The following CCNY variants were observed in gnomAD, a reference collection of about 807,000 sequenced individuals.
CCNY encodes cyclin Y, also known as cyclin-Y.
A neutral mutation model predicts 42.8 loss-of-function variants in CCNY; 19 were observed. The observed-to-expected ratio is 0.44, with a 90% CI of 0.31 to 0.65. CCNY has a LOEUF of 0.65. Among genes scored for constraint, CCNY ranks in the 30% least tolerant of loss-of-function variants. The pLI is 0.07. For synonymous variants in CCNY, 165 were observed against 162.7 expected, an observed-to-expected ratio of 1.01 and a Z score of -0.11; for missense variants, 370 against 437.3, an observed-to-expected ratio of 0.85 and a Z score of 1.37.
chr10:35,396,280 C>T (rs1837523674), intron 1 of CCNY, among the ~76,000 whole-genome samples: 2 of 152,300 alleles, frequency 1.3e-5, no homozygotes, highest in Admixed American at 1.3e-4. Flanking sequence ...AAAGCTTTCT[C>T]TCAACAGGTC....
At chr10:35,473,783 G>T (rs373591927) in intron 1 of CCNY, among the ~76,000 whole-genome samples, 82 of 152,134 alleles carry the variant, frequency 5.4e-4, no homozygotes, top group South Asian at 4.4e-3. Context: ...GTGTTCCTTG[G>T]GGGGAGGAGC....
Position 35,412,905 on chromosome 10 carries a change from C to CGG in CCNY, c.155-70499_155-70498insGG, listed in dbSNP as rs1457849880. 2.1e-3 allele frequency among the ~76,000 whole-genome samples: 285 copies of CGG among 139,014 alleles called. 2 individuals are homozygous for CGG. The highest frequency in any genetic ancestry group is 7.4e-3 in the African/African-American group (270 of 36,320). 91.2% of individuals were successfully genotyped at this position (139,014 alleles called of 152,430 possible). A position where few individuals can be genotyped will look rare whatever the true frequency, so the allele number is the denominator to read the frequency against. ...AAAAAAAAAGAATTTGCGCGGCGGG[C>CGG]AAGAGGATGTGGATCACGCTTTGGG... On this transcript the variant is annotated intron_variant, in intron 1 of 9. Transcript: ENST00000374704.
intron 1 of CCNY, among the ~76,000 whole-genome samples, chr10:35,365,476 T>TA (rs1044120771): frequency 6.7e-6 from 1 of 149,110 alleles, no homozygotes; most frequent in African/African-American, 2.6e-5. Context: ...TGTTGAATAT[T>TA]AAAAAATTGC....
chr10:35,273,101 A>G (rs1835193281), intron 3 of CCNY, among the ~76,000 whole-genome samples: 1 of 151,872 alleles, frequency 6.6e-6, no homozygotes, highest in Non-Finnish European at 1.5e-5. Context: ...TGGAAGTCCT[A>G]CATTTCCCTA....
At chr10:35,545,192 T>G (rs189971504) in intron 7 of CCNY, among the ~76,000 whole-genome samples, 150 of 152,326 alleles carry the variant, frequency 9.8e-4, no homozygotes, top group Admixed American at 3.7e-3. Context: ...AAACGAAACC[T>G]GTCTGTGAGC....
chr10:35,515,344 C>A (rs1028444569), intron 3 of CCNY, among the ~76,000 whole-genome samples: 1 of 152,172 alleles, frequency 6.6e-6, no homozygotes, highest in African/African-American at 2.4e-5. Flanking sequence ...TAACTAGTAT[C>A]ATTTGTTATC....
intron 1 of CCNY, among the ~76,000 whole-genome samples, chr10:35,455,669 C>G (rs1250715683): frequency 6.6e-6 from 1 of 152,172 alleles, no homozygotes; most frequent in Non-Finnish European, 1.5e-5. Context: ...CCTTTTCTCT[C>G]TGGGTCTTGA....
chr10:35,505,270 A>C (rs1840192453), intron 3 of CCNY, among the ~76,000 whole-genome samples: 1 of 151,436 alleles, frequency 6.6e-6, no homozygotes, highest in African/African-American at 2.4e-5. Flanking sequence ...TTATTCTAAG[A>C]AGTTAAAAAA....
At chr10:35,374,974 A>C (rs928212993) in intron 1 of CCNY, among the ~76,000 whole-genome samples, 1 of 152,220 alleles carries the variant, frequency 6.6e-6, no homozygotes, top group African/African-American at 2.4e-5. Context: ...GAAGTTGACA[A>C]TCTCAAGGGA....
chr10:35,314,100 GAAAAT>G (rs926425049), intron 3 of CCNY, among the ~76,000 whole-genome samples: 2 of 149,806 alleles, frequency 1.3e-5, no homozygotes, highest in African/African-American at 4.9e-5. Context: ...AACAGAAAAA[GAAAAT>G]AAAAACGAGC....
At chr10:35,334,340 G>C (rs1835984053), upstream of CCNY, among the ~76,000 whole-genome samples, 1 of 152,182 alleles carries the variant, frequency 6.6e-6, no homozygotes, top group Non-Finnish European at 1.5e-5. Context: ...ATGGTCCAAT[G>C]ACTGGATGCT....
intron 3 of CCNY, chr10:35,314,703 T>C (rs1398122895): frequency 6.6e-6 from 1 of 152,160 alleles, no homozygotes; most frequent in African/African-American, 2.4e-5. Context: ...GTCTATAAGA[T>C]TGCATTTTCA....
At chr10:35,426,407 A>T (rs1838275166) in intron 1 of CCNY, among the ~76,000 whole-genome samples, 1 of 152,228 alleles carries the variant, frequency 6.6e-6, no homozygotes, top group African/African-American at 2.4e-5. Context: ...ACATAAGCTG[A>T]GACCCCAGAA....
intron 2 of CCNY, among the ~76,000 whole-genome samples, chr10:35,248,626 G>A (rs1418323665): frequency 6.6e-6 from 1 of 151,710 alleles, no homozygotes; most frequent in Admixed American, 6.6e-5. Flanking sequence ...TCCAGCCTGG[G>A]CAACAAGAGT....
At chr10:35,501,157 AT>A (rs2135390549) in intron 2 of CCNY, among the ~76,000 whole-genome samples, 1 of 152,278 alleles carries the variant, frequency 6.6e-6, no homozygotes, top group South Asian at 2.1e-4. Flanking sequence ...TAGTCCTATC[AT>A]TTGTTAATTA....
chr10:35,410,160 C>T (rs1837872466), intron 1 of CCNY, among the ~76,000 whole-genome samples: 1 of 152,036 alleles, frequency 6.6e-6, no homozygotes, highest in Non-Finnish European at 1.5e-5. Context: ...TAAGCACAGA[C>T]TTTGAACAGT....
intron 3 of CCNY, among the ~76,000 whole-genome samples, chr10:35,514,075 C>CAAAAAAAAAAAAA (rs11451104): frequency 3.9e-5 from 3 of 76,176 alleles, no homozygotes; most frequent in African/African-American, 9.9e-5. Flanking sequence ...AGGACCAGTT[C>CAAAAAAAAAAAAA]AAAAAAAAAA....
chr10:35,512,281 G>A (rs1422468704), intron 3 of CCNY, among the ~76,000 whole-genome samples: 3 of 152,194 alleles, frequency 2.0e-5, no homozygotes, highest in East Asian at 1.9e-4. Flanking sequence ...CAAGTAGTGA[G>A]CTCAGAAGAG....
chr10:35,299,256 C>A (rs1046909323), intron 3 of CCNY, among the ~76,000 whole-genome samples: 5 of 152,190 alleles, frequency 3.3e-5, no homozygotes, highest in African/African-American at 1.2e-4. Context: ...CAGGGTGGAG[C>A]GTTCTGTAAA....
Sources: gnomAD v4.1 joint callset for allele counts (sites outside exome capture counted in the v4.1 genomes callset) on GRCh38, gnomAD v4.1.1 for gene constraint, MANE v1.5 for transcripts, NCBI Gene and HGNC (gene_info 2026-07-23, HGNC 2026-07-21) for gene names.